PLB1: variants seen among roughly 807,000 people sequenced by gnomAD.
The protein encoded by PLB1 is phospholipase B1, also known as phospholipase B1, membrane-associated.
PLB1 carries 242 observed loss-of-function variants against 227.4 expected under a neutral mutation model. The ratio of observed to expected loss-of-function variants is 1.06; its 90% CI spans 0.96 to 1.18. The LOEUF (loss-of-function observed/expected upper bound fraction) is 1.18, where lower values mean the gene tolerates loss of function less well. Ranked by LOEUF, PLB1 falls within the 50% of genes most tolerant of loss-of-function variation. The pLI is 0.00. For synonymous variants in PLB1, 757 were observed against 682.2 expected (o/e 1.11, Z -1.71); for missense variants, 1,858 against 1,816.3 (o/e 1.02, Z -0.42).
intron 14 of PLB1, chr2:28,548,376 A>G (rs1673628222): frequency 3.3e-6 from 1 of 301,456 alleles, no homozygotes; most frequent in African/African-American, 2.2e-5. Flanking sequence ...GTGAGCCAGA[A>G]AGTAGCTGGG....
chr2:28,552,402 G>T (rs939152439), intron 16 of PLB1, among the ~76,000 whole-genome samples: 4 of 152,206 alleles, frequency 2.6e-5, no homozygotes, highest in African/African-American at 9.7e-5. Flanking sequence ...GCCATGCTAG[G>T]GAGATTGGAC....
chr2:28,612,463 C>T (rs60816073), intron 43 of PLB1, among the ~76,000 whole-genome samples: 5,941 of 152,258 alleles, frequency 0.039, 398 homozygotes, highest in African/African-American at 0.14. Flanking sequence ...GTCCCTTCCT[C>T]ACTCTGGGGC....
chr2:28,641,022 C>T, intron 57 of PLB1, 21 bp downstream of exon 57: 1 of 1,608,756 alleles, frequency 6.2e-7, no homozygotes, highest in Non-Finnish European at 8.5e-7. Flanking sequence ...GTCCTGCCTG[C>T]CCCAGGTGGA....
chr2:28,608,180 T>C (rs943504548), intron 43 of PLB1, among the ~76,000 whole-genome samples: 1 of 152,156 alleles, frequency 6.6e-6, no homozygotes, highest in Non-Finnish European at 1.5e-5. Flanking sequence ...CCAGCCCTGG[T>C]GAAGCTGTTG....
intron 1 of PLB1, among the ~76,000 whole-genome samples, chr2:28,502,134 TAAAGCTATATTGACAAC>T (rs1667170031): frequency 6.6e-6 from 1 of 152,188 alleles, no homozygotes; most frequent in Non-Finnish European, 1.5e-5. Flanking sequence ...AGCTTGACAA[TAAAGCTATATTGACAAC>T]AAAGCATGCA....
rs749948726 is a variant in PLB1, at chr2:28,625,082, C to T, written c.3553C>T (p.Leu1185=). The part of the protein sequence containing the change: ...ARDMPAQAWD[L]VERMKNSPDI... ...GGACATGCCAGCCCAGGCCTGGGAC[C>T]TGGTAGAGCGAATGAAAAACAGCCC... is the stretch of plus-strand genomic sequence containing the variant. The change falls in exon 50 of 58, where the codon CTG becomes TTG. Residue 1185 remains leucine, a synonymous_variant. Coordinates refer to ENST00000327757, the MANE Select transcript of PLB1 (RefSeq NM_153021.5). 23 of 1,613,548 alleles carry T rather than the reference C, an allele frequency of 1.4e-5. No individual in the cohort carries two copies. The South Asian group carries it at 2.1e-4, about 15-fold the overall frequency.
chr2:28,631,396 G>A (rs576504228), intron 54 of PLB1, among the ~76,000 whole-genome samples: 3 of 152,152 alleles, frequency 2.0e-5, no homozygotes, highest in East Asian at 1.9e-4. Flanking sequence ...AACTTCACCC[G>A]CGGACATCTC....
Position 28,602,894 on chromosome 2 carries a change from C to G in PLB1, c.2747C>G (p.Pro916Arg), listed in dbSNP as rs749669428. The G allele has an allele frequency of 8.1e-6, 13 of 1,614,180 alleles. No homozygotes were observed. Among genetic ancestry groups the G allele is most frequent in the Non-Finnish European group, 8.5e-6 (10 of 1,180,014 alleles). ...TIMRQVFLGN[P>R]DKCPVQQASV... ...ATGCGGCAGGTGTTCCTGGGAAACC[C>G]AGACAAGTGCCCAGTGCAGCAGGCC... Residue 916 changes from proline (P) to arginine (R), a missense_variant, in exon 39 of 58, where the codon CCA becomes CGA. Coordinates refer to ENST00000327757, the MANE Select transcript of PLB1 (RefSeq NM_153021.5).
chr2:28,533,277 T>C (rs1422882518), intron 9 of PLB1, among the ~76,000 whole-genome samples: 1 of 152,204 alleles, frequency 6.6e-6, no homozygotes. Flanking sequence ...CTAGCTCTCA[T>C]TGGCCAATAT....
intron 5 of PLB1, 40 bp from the exon 6 acceptor site, chr2:28,525,865 A>AAAT (rs1316613701): frequency 5.0e-5 from 81 of 1,612,064 alleles, no homozygotes; most frequent in Non-Finnish European, 6.8e-5. Context: ...CAGGTGACAC[A>AAAT]AATGCAGCCT....
rs1681624851 is a variant in PLB1 at position 28,590,055 on chromosome 2, C to G, written c.2067C>G (p.Ile689Met). ...KTTRHKFENK[I>M]NITCPNQVQP... ...CTCGTCATAAGTTTGAAAACAAGAT[C>G]AATATCACATGTCCGAACCAGGTAG... The change falls in exon 29 of 58, where the codon ATC (isoleucine) becomes ATG (methionine). Residue 689 changes from isoleucine (I) to methionine (M), a missense_variant. By Grantham distance (10) the Ile-to-Met change is conservative. Transcript: ENST00000327757. 1.2e-6 allele frequency: 2 copies of G among 1,613,284 alleles called. No individual in the cohort carries two copies. The highest frequency in any genetic ancestry group is 1.7e-4 in the Middle Eastern group (1 of 6,060).
intron 14 of PLB1, among the ~76,000 whole-genome samples, chr2:28,547,208 A>AAAAG (rs1265912524): frequency 2.0e-5 from 1 of 51,112 alleles, no homozygotes; most frequent in African/African-American, 4.5e-5. Context: ...TCTCCAAAAA[A>AAAAG]AAAAAAAAGA....
intron 20 of PLB1, among the ~76,000 whole-genome samples, chr2:28,568,714 G>T (rs575337076): frequency 2.0e-5 from 3 of 152,318 alleles, no homozygotes; most frequent in African/African-American, 7.2e-5. Flanking sequence ...TTATAGATGT[G>T]TACAAAGCTT....
intron 17 of PLB1, among the ~76,000 whole-genome samples, chr2:28,555,141 C>CTT (rs3041204): frequency 0.4 from 47,474 of 120,112 alleles, 10,766 homozygotes; most frequent in East Asian, 0.63. Context: ...TGCCAGTGAT[C>CTT]TTTTTTTTTT....
At chr2:28,536,725 G>T (rs1671732799) in intron 9 of PLB1, among the ~76,000 whole-genome samples, 1 of 152,160 alleles carries the variant, frequency 6.6e-6, no homozygotes, top group African/African-American at 2.4e-5. Context: ...CCTGACTTTG[G>T]GTTCTAGGAG....
At position 28,585,830 on chromosome 2, in the gene PLB1, C is replaced by T. The variant is rs994769955; in HGVS notation, c.1803C>T (p.Asn601=). Residue 601 remains asparagine (N), a synonymous_variant, in exon 26 of 58, where the codon AAC becomes AAT. Coordinates refer to ENST00000327757, the MANE Select transcript of PLB1 (RefSeq NM_153021.5). ...AACTTGCTACCCTCATCGAATTCAA[C>T]AAGAAGTTTCAGGTAAGCCGGGAAG... ...STELATLIEF[N]KKFQEKTHQL... The T allele has an allele frequency of 5.0e-6, 8 of 1,606,438 alleles. No homozygotes were observed. In the African/African-American group the frequency reaches 8.0e-5, roughly 16 times the overall value.
chr2:28,590,887 C>G (rs564296545), intron 29 of PLB1, among the ~76,000 whole-genome samples: 2 of 152,058 alleles, frequency 1.3e-5, no homozygotes, highest in Non-Finnish European at 2.9e-5. Flanking sequence ...GCCAGCCACG[C>G]GGGAGGTGGA....
intron 17 of PLB1, among the ~76,000 whole-genome samples, chr2:28,561,849 C>G (rs1445903282): frequency 6.6e-6 from 1 of 152,186 alleles, no homozygotes; most frequent in East Asian, 1.9e-4. Flanking sequence ...TATCACGAGC[C>G]ACTGCACTCC....
chr2:28,523,305 A>T (rs373744962), intron 4 of PLB1, among the ~76,000 whole-genome samples: 1 of 147,814 alleles, frequency 6.8e-6, no homozygotes, highest in East Asian at 2.0e-4. Flanking sequence ...AAACCTAAAT[A>T]GGGTCATACT....
Sources: gnomAD v4.1 joint callset for allele counts (sites outside exome capture counted in the v4.1 genomes callset) on GRCh38, gnomAD v4.1.1 for gene constraint, MANE v1.5 for transcripts, NCBI Gene and HGNC (gene_info 2026-07-23, HGNC 2026-07-21) for gene names.